HEATR5A: variants seen among roughly 807,000 people sequenced by gnomAD.
HEATR5A encodes HEAT repeat containing 5A.
A neutral mutation model predicts 218.8 loss-of-function variants in HEATR5A; 178 were observed. That is an observed-to-expected ratio of 0.81 (90% confidence interval 0.72 to 0.92). The LOEUF (loss-of-function observed/expected upper bound fraction) is 0.92, where lower values mean the gene tolerates loss of function less well. Among genes scored for constraint, HEATR5A ranks in the 40% least tolerant of loss-of-function variants. The pLI is 0.00. For synonymous variants in HEATR5A, 864 were observed against 871.6 expected (o/e 0.99, Z 0.15); for missense variants, 2,420 against 2,418.9 (o/e 1.00, Z -0.01).
At chr14:31,379,296 G>A (rs1490686334) in intron 11 of HEATR5A, among the ~76,000 whole-genome samples, 2 of 151,094 alleles carry the variant, frequency 1.3e-5, no homozygotes, top group African/African-American at 4.9e-5. Context: ...TGTCACCCAA[G>A]CTGGAGTGCA....
intron 21 of HEATR5A, among the ~76,000 whole-genome samples, chr14:31,338,795 AAGGT>A (rs984409391): frequency 6.6e-6 from 1 of 152,126 alleles, no homozygotes; most frequent in African/African-American, 2.4e-5. Context: ...GAGGAAATAA[AAGGT>A]AGGTAGTAGG....
At chr14:31,389,495 C>T (rs1329883127) in intron 6 of HEATR5A, among the ~76,000 whole-genome samples, 1 of 152,118 alleles carries the variant, frequency 6.6e-6, no homozygotes, top group East Asian at 1.9e-4. Flanking sequence ...TTTTGCTATT[C>T]CTTCAGTCTC....
intron 13 of HEATR5A, among the ~76,000 whole-genome samples, chr14:31,367,824 G>C (rs1418086245): frequency 2.0e-5 from 3 of 151,912 alleles, no homozygotes; most frequent in Non-Finnish European, 4.4e-5. Flanking sequence ...TTATTATAAA[G>C]ATAACGTGTT....
At chr14:31,337,423 T>G (rs1312092037) in intron 22 of HEATR5A, 53 bp downstream of exon 22, 1 of 1,462,984 alleles carries the variant, frequency 6.8e-7, no homozygotes, top group Non-Finnish European at 9.2e-7. Context: ...TATGGAAAAT[T>G]TAAAATAAAA....
intron 13 of HEATR5A, among the ~76,000 whole-genome samples, chr14:31,367,959 G>C (rs1428056533): frequency 1.3e-5 from 2 of 152,036 alleles, no homozygotes; most frequent in Non-Finnish European, 2.9e-5. Context: ...TAACGTATGG[G>C]ACAGTTTGTT....
At position 31,358,809 on chromosome 14, in the gene HEATR5A, G is replaced by C. The variant is rs758449099; in HGVS notation, c.2239C>G (p.Leu747Val). The change falls in exon 16 of 36, where the codon CTG becomes GTG. Residue 747 changes from leucine to valine, a missense_variant. Coordinates refer to ENST00000543095, the MANE Select transcript of HEATR5A (RefSeq NM_015473.4). ...TDHRFIEEQL[L>V]LGNGVACGSL... is the part of the protein sequence containing the mutation. ...CCGCAAGCAACACCATTACCAAGCA[G>C]GAGCTAAAAGGGAAAAAAAGTATAT... 17 of 1,612,732 alleles carry C rather than the reference G, an allele frequency of 1.1e-5. No homozygotes were observed. The South Asian group carries it at 1.9e-4, about 18-fold the overall frequency.
Position 31,345,159 on chromosome 14 carries a change from G to A in HEATR5A, c.2986C>T (p.His996Tyr), listed in dbSNP as rs1900980462. ...CCAAGGCTTTGGTGAACTTCAGCAT[G>A]AGTAGGAGGCACATTTAACAACAAC... ...IMLLLNVPPT[H>Y]AEVHQSLGRC... is the part of the protein sequence containing the mutation. Residue 996 changes from histidine to tyrosine, a missense_variant, in exon 20 of 36, where the codon CAT becomes TAT. Coordinates refer to ENST00000543095, the MANE Select transcript of HEATR5A (RefSeq NM_015473.4). 1.2e-6 allele frequency: 2 copies of A among 1,613,946 alleles called. No homozygotes were observed. The highest frequency in any genetic ancestry group is 1.7e-6 in the Non-Finnish European group (2 of 1,179,856).
At chr14:31,385,102 A>G (rs1006418079) in intron 9 of HEATR5A, among the ~76,000 whole-genome samples, 3 of 152,320 alleles carry the variant, frequency 2.0e-5, no homozygotes, top group Admixed American at 6.5e-5. Flanking sequence ...TCAGCAAGAA[A>G]TGTGTGCCAC....
Position 31,293,590 on chromosome 14 carries a change from A to T in HEATR5A, c.5856T>A (p.Leu1952=), listed in dbSNP as rs1899083920. Residue 1952 remains leucine (L), a synonymous_variant, in exon 36 of 36, where the codon CTT becomes CTA. Transcript: ENST00000543095. Reference sequence around the variant, plus strand: ...AAAGGAAGGAAATGAGGATGGGCAAAAGACAGGCCACCAGCTGAGCGCCTA... The same window carrying T: ...AAAGGAAGGAAATGAGGATGGGCAATAGACAGGCCACCAGCTGAGCGCCTA... ...EHHRAQLVAC[L]LPILISFLLD... The T allele has an allele frequency of 6.2e-7, 1 of 1,610,636 alleles. No individual in the cohort carries two copies. Among genetic ancestry groups the T allele is most frequent in the Admixed American group, 1.7e-5 (1 of 59,184 alleles).
chr14:31,341,061 A>G (rs1483134599), intron 21 of HEATR5A, among the ~76,000 whole-genome samples: 1 of 152,362 alleles, frequency 6.6e-6, no homozygotes, highest in South Asian at 2.1e-4. Context: ...ACTCTAAAAT[A>G]TAACAAATTC....
Position 31,368,717 on chromosome 14 carries a change from ATTTATTTATTT to A in HEATR5A, c.1961+3082_1961+3092del, listed in dbSNP as rs1258720703. ...ACTCTATTTATTTATTTATTTATTT[ATTTATTTATTT>A]ATTTATTTATTTTGGTAGAGATGAG... On this transcript the variant is annotated intron_variant, in intron 13 of 35. Transcript: ENST00000543095. Among the ~76,000 whole-genome samples the A allele has an allele frequency of 3.1e-3, 157 of 51,064 alleles. 3 individuals carry two copies. The highest frequency in any genetic ancestry group is 9.7e-4 in the Non-Finnish European group (16 of 16,548). 33.5% of individuals were successfully genotyped at this position (51,064 alleles called of 152,430 possible). A position where few individuals can be genotyped will look rare whatever the true frequency, so the allele number is the denominator to read the frequency against.
At chr14:31,329,235 T>G (rs1009201048) in intron 22 of HEATR5A, among the ~76,000 whole-genome samples, 1 of 152,180 alleles carries the variant, frequency 6.6e-6, no homozygotes, top group Non-Finnish European at 1.5e-5. Flanking sequence ...AAGTCTTATG[T>G]CCACATTTCA....
chr14:31,331,963 G>A (rs1900487911), intron 22 of HEATR5A, among the ~76,000 whole-genome samples: 1 of 152,126 alleles, frequency 6.6e-6, no homozygotes, highest in South Asian at 2.1e-4. Context: ...TTTGGATTGG[G>A]ACACAAAGCC....
intron 21 of HEATR5A, among the ~76,000 whole-genome samples, chr14:31,340,935 T>C (rs1334918931): frequency 6.6e-6 from 1 of 152,208 alleles, no homozygotes; most frequent in African/African-American, 2.4e-5. Context: ...TCAGAATTGC[T>C]AGTGTAGCTA....
intron 20 of HEATR5A, among the ~76,000 whole-genome samples, 163 bp downstream of exon 20, chr14:31,344,924 T>C (rs758600512): frequency 2.0e-5 from 3 of 152,244 alleles, no homozygotes; most frequent in Non-Finnish European, 1.5e-5. Flanking sequence ...AATATTGTAC[T>C]CTGTCTTTTC....
In HEATR5A at chr14:31,301,879, G is replaced by A. The variant is rs914794011; in HGVS notation, c.5464+416C>T. On this transcript the variant is annotated intron_variant, in intron 33 of 35. Coordinates refer to ENST00000543095, the MANE Select transcript of HEATR5A (RefSeq NM_015473.4). ...GTTGTCCAGGCTGGAGTGCAATGGC[G>A]TGATCTTGGCTCCCTGAAACCTCCA... is the stretch of plus-strand genomic sequence containing the variant. 1.1e-4 allele frequency among the ~76,000 whole-genome samples: 15 copies of A among 140,274 alleles called. 1 individual carries two copies. The Middle Eastern group carries it at 0.012, about 116-fold the overall frequency. The allele number at this position is 140,274 out of a possible 152,430, so 92.0% of individuals were successfully genotyped here.
At chr14:31,323,452 G>GT (rs1900171299) in intron 24 of HEATR5A, 113 bp downstream of exon 24, 2 of 784,386 alleles carry the variant, frequency 2.5e-6, no homozygotes, top group Non-Finnish European at 3.7e-6. Flanking sequence ...ATGAGCCACT[G>GT]TGTCTGGCTA....
chr14:31,314,768 T>A (rs558459830), intron 27 of HEATR5A, among the ~76,000 whole-genome samples: 1 of 152,250 alleles, frequency 6.6e-6, no homozygotes, highest in Admixed American at 6.5e-5. Flanking sequence ...ATGACAAAAA[T>A]AAAGATTCTA....
chr14:31,320,563 A>C lies in HEATR5A; in HGVS notation c.3969+936T>G, dbSNP rs1900062049. ...GGCTATTCAAGGAGAAGGCAGACAC[A>C]GGCCTGATTAGACCCCTGGTACAAC... is the stretch of plus-strand genomic sequence containing the variant. On this transcript the variant is annotated intron_variant, in intron 25 of 35. Coordinates refer to ENST00000543095, the MANE Select transcript of HEATR5A (RefSeq NM_015473.4). The C allele has an allele frequency of 3.5e-6, 3 of 850,066 alleles. No individual in the cohort carries two copies. In the South Asian group the frequency reaches 3.9e-5, roughly 11 times the overall value. The allele number at this position is 850,066 out of a possible 1,614,324, so 52.7% of individuals were successfully genotyped here.
Sources: allele counts gnomAD v4.1 joint callset (sites outside exome capture counted in the v4.1 genomes callset), GRCh38; gene constraint gnomAD v4.1.1; transcripts MANE v1.5; gene names NCBI Gene and HGNC (gene_info 2026-07-23, HGNC 2026-07-21).